MYO6: variants seen among roughly 807,000 people sequenced by gnomAD.
MYO6 encodes the protein myosin VI.
A neutral mutation model predicts 178.7 loss-of-function variants in MYO6; 74 were observed. That is an observed-to-expected ratio of 0.41 (90% confidence interval 0.34 to 0.50). The LOEUF is 0.50. Ranked by LOEUF, MYO6 falls within the 20% of genes least tolerant of loss-of-function variation. The probability of loss-of-function intolerance (pLI) is 0.09; values close to 1 mark genes in which losing one functional copy is unlikely to be tolerated. For synonymous variants in MYO6, 477 were observed against 504.6 expected (o/e 0.95, Z 0.73); for missense variants, 1,330 against 1,547.4 (o/e 0.86, Z 2.36).
intron 1 of MYO6, among the ~76,000 whole-genome samples, chr6:75,780,674 A>G (rs910014350): frequency 6.6e-6 from 1 of 152,108 alleles, no homozygotes; most frequent in African/African-American, 2.4e-5. Flanking sequence ...TGAAGAGGGC[A>G]TTTACTACTC....
chr6:75,861,864 CTG>C (rs1348943322), intron 15 of MYO6, among the ~76,000 whole-genome samples: 1 of 152,156 alleles, frequency 6.6e-6, no homozygotes, highest in Non-Finnish European at 1.5e-5. Flanking sequence ...GAGTCTTTGA[CTG>C]TGTGGTTTGA....
At chr6:75,810,138 A>G (rs1005045519) in intron 1 of MYO6, among the ~76,000 whole-genome samples, 3 of 151,918 alleles carry the variant, frequency 2.0e-5, no homozygotes, top group African/African-American at 4.8e-5. Flanking sequence ...TATGTAGAGA[A>G]GCTTCATAGG....
At chr6:75,804,672 T>G (rs1769825409) in intron 1 of MYO6, among the ~76,000 whole-genome samples, 1 of 152,074 alleles carries the variant, frequency 6.6e-6, no homozygotes, top group Non-Finnish European at 1.5e-5. Context: ...TGGCAGTATG[T>G]GGTACATGGT....
chr6:75,749,642 T>C (rs930983266), intron 1 of MYO6, among the ~76,000 whole-genome samples: 1 of 152,210 alleles, frequency 6.6e-6, no homozygotes, highest in Non-Finnish European at 1.5e-5. Flanking sequence ...TCAGTCTCCT[T>C]TCATGGGTTC....
chr6:75,804,909 CACACATATATAATATAT>C (rs1299500853), intron 1 of MYO6, among the ~76,000 whole-genome samples: 2 of 146,330 alleles, frequency 1.4e-5, no homozygotes, highest in South Asian at 4.3e-4. Flanking sequence ...TACATATATA[CACACATATATAATATAT>C]ACACATATAT....
intron 11 of MYO6, 88 bp from the exon 12 acceptor site, chr6:75,855,051 G>GT: frequency 8.3e-7 from 1 of 1,202,596 alleles, no homozygotes; most frequent in Non-Finnish European, 1.2e-6. Flanking sequence ...ATGGTTTTTT[G>GT]TAAGTGAAGT....
intron 4 of MYO6, among the ~76,000 whole-genome samples, chr6:75,829,987 A>G (rs1182478481): frequency 6.6e-6 from 1 of 152,206 alleles, no homozygotes; most frequent in East Asian, 1.9e-4. Flanking sequence ...AAGGAATACA[A>G]ATGACTAAAA....
At chr6:75,805,385 G>A (rs1769972436) in intron 1 of MYO6, among the ~76,000 whole-genome samples, 1 of 152,132 alleles carries the variant, frequency 6.6e-6, no homozygotes, top group Non-Finnish European at 1.5e-5. Flanking sequence ...TTTGTGATAT[G>A]AATCTGCCTA....
chr6:75,829,589 A>G (rs1772858301), intron 4 of MYO6, among the ~76,000 whole-genome samples: 1 of 152,176 alleles, frequency 6.6e-6, no homozygotes. Context: ...CCAAAAGAGT[A>G]TACTTGCCAT....
At position 75,817,694 on chromosome 6, in the gene MYO6, G is replaced by T. The variant is rs754850804; in HGVS notation, c.117+30G>T. 9 of 1,587,712 alleles carry T rather than the reference G, an allele frequency of 5.7e-6. No individual in the cohort carries two copies. The Admixed American group carries it at 6.7e-5, about 12-fold the overall frequency. On this transcript the variant is annotated intron_variant, in intron 2 of 34. Transcript: ENST00000369977. ...GTTTCTCAGAAAGATGTTGAAATAT[G>T]ATTTCTTTCAAAAATAGGTGTTTTT...
chr6:75,837,830 C>T (rs370404069), intron 7 of MYO6, among the ~76,000 whole-genome samples: 6 of 151,756 alleles, frequency 4.0e-5, no homozygotes, highest in African/African-American at 7.3e-5. Context: ...CTTACTTTAG[C>T]GAGGGAGTCG....
At chr6:75,839,005 A>T (rs1194636467) in intron 7 of MYO6, among the ~76,000 whole-genome samples, 1 of 151,542 alleles carries the variant, frequency 6.6e-6, no homozygotes, top group Non-Finnish European at 1.5e-5. Context: ...AACATGAGGG[A>T]TATATGTTAA....
At chr6:75,806,333 A>G (rs1436833700) in intron 1 of MYO6, among the ~76,000 whole-genome samples, 1 of 151,648 alleles carries the variant, frequency 6.6e-6, no homozygotes, top group African/African-American at 2.4e-5. Flanking sequence ...GGTTGCAGTG[A>G]GCTGAGATCA....
At position 75,859,924 on chromosome 6, in the gene MYO6, TG is replaced by T. The variant is rs200976834; in HGVS notation, c.1473+932del. On this transcript the variant is annotated intron_variant, in intron 14 of 34. Coordinates refer to ENST00000369977, the MANE Select transcript of MYO6 (RefSeq NM_004999.4). Reference sequence around the variant, plus strand: ...ATCTGCCTGCCTCAGCCTCTAACAGTGCTGGGATTACAGGCGTGAGCCATCA... The same window carrying T: ...ATCTGCCTGCCTCAGCCTCTAACAGTCTGGGATTACAGGCGTGAGCCATCA... 2.4e-4 allele frequency among the ~76,000 whole-genome samples: 36 copies of T among 152,304 alleles called. 1 individual carries two copies. The East Asian group carries it at 5.6e-3, about 24-fold the overall frequency.
chr6:75,869,672 A>G lies in MYO6; in HGVS notation c.1945-975A>G, dbSNP rs542393355. On this transcript the variant is annotated intron_variant, in intron 18 of 34. Transcript: ENST00000369977. ...ACTTATTTTGCAGAGTAGTAAGGCA[A>G]ATAAATGATTTTAATACACTGAACC... 3.9e-5 allele frequency among the ~76,000 whole-genome samples: 6 copies of G among 152,356 alleles called. No homozygotes were observed. In the South Asian group the frequency reaches 1.2e-3, roughly 32 times the overall value.
At chr6:75,894,965 T>C (rs1468888183) in intron 28 of MYO6, 5 of 732,772 alleles carry the variant, frequency 6.8e-6, no homozygotes, top group East Asian at 2.9e-5. Context: ...ATCCAGATTC[T>C]ATTAAAAACA....
chr6:75,867,856 T>C (rs1460217344), intron 18 of MYO6, among the ~76,000 whole-genome samples: 1 of 152,270 alleles, frequency 6.6e-6, no homozygotes, highest in South Asian at 2.1e-4. Flanking sequence ...TTGGTTCTAG[T>C]TATTGAGGAG....
intron 1 of MYO6, among the ~76,000 whole-genome samples, chr6:75,756,910 T>TATATATAC (rs67653365): frequency 3.2e-5 from 4 of 123,900 alleles, no homozygotes; most frequent in Non-Finnish European, 6.7e-5. Context: ...TATATATATA[T>TATATATAC]ACACATATAT....
intron 16 of MYO6, chr6:75,865,473 C>T (rs1776582761): frequency 6.8e-6 from 1 of 147,828 alleles, no homozygotes; most frequent in Non-Finnish European, 1.5e-5. Context: ...AAACCATCCT[C>T]CCACCTTAGC....
Sources: allele counts gnomAD v4.1 joint callset (sites outside exome capture counted in the v4.1 genomes callset), GRCh38; gene constraint gnomAD v4.1.1; transcripts MANE v1.5; gene names NCBI Gene and HGNC (gene_info 2026-07-23, HGNC 2026-07-21).